The following AGBL1 variants were observed in gnomAD, a reference collection of about 807,000 sequenced individuals.
AGBL1 encodes cytosolic carboxypeptidase 4.
Under a neutral mutation model 118.9 loss-of-function variants are expected in AGBL1, and 130 were observed. That is an observed-to-expected ratio of 1.09 (90% confidence interval 0.95 to 1.26). AGBL1 has a LOEUF of 1.26. AGBL1 is among the 50% of genes most tolerant of loss of function. The pLI is 0.00. For synonymous variants in AGBL1, 555 were observed against 478.9 expected, an observed-to-expected ratio of 1.16 and a Z score of -2.08; for missense variants, 1,584 against 1,298.1, an observed-to-expected ratio of 1.22 and a Z score of -3.38.
intron 17 of AGBL1, among the ~76,000 whole-genome samples, chr15:86,336,537 G>T (rs941561882): frequency 6.6e-6 from 1 of 152,190 alleles, no homozygotes; most frequent in African/African-American, 2.4e-5. Context: ...CAACTGTTGC[G>T]TGAGAGTTGG....
intron 22 of AGBL1, among the ~76,000 whole-genome samples, chr15:86,841,233 G>A (rs1391753990): frequency 2.6e-5 from 4 of 152,128 alleles, no homozygotes; most frequent in African/African-American, 9.7e-5. Context: ...GTGTTGCTGA[G>A]ACCACCCAGG....
At chr15:86,482,268 A>G (rs1217052147) in intron 18 of AGBL1, among the ~76,000 whole-genome samples, 1 of 152,138 alleles carries the variant, frequency 6.6e-6, no homozygotes, top group Non-Finnish European at 1.5e-5. Flanking sequence ...GGGTTAGTAA[A>G]ATATTCTGAG....
chr15:86,132,653 C>G (rs1376050845), intron 1 of AGBL1, among the ~76,000 whole-genome samples: 1 of 152,122 alleles, frequency 6.6e-6, no homozygotes, highest in Non-Finnish European at 1.5e-5. Context: ...AAACAGAGAA[C>G]CTTTTAGGCA....
At chr15:86,565,236 T>A (rs1209441800) in intron 21 of AGBL1, among the ~76,000 whole-genome samples, 1 of 152,264 alleles carries the variant, frequency 6.6e-6, no homozygotes, top group Non-Finnish European at 1.5e-5. Context: ...GCTTTCCTGC[T>A]CTGTTTTTTC....
chr15:86,401,232 A>G (rs576928132), intron 18 of AGBL1, among the ~76,000 whole-genome samples: 4 of 151,898 alleles, frequency 2.6e-5, no homozygotes, highest in African/African-American at 9.7e-5. Context: ...TTTTTTTCAT[A>G]TGTTTGTTGG....
At chr15:86,667,968 C>T (rs925314506) in intron 21 of AGBL1, among the ~76,000 whole-genome samples, 1 of 152,146 alleles carries the variant, frequency 6.6e-6, no homozygotes, top group Non-Finnish European at 1.5e-5. Context: ...TCTGGTGAGG[C>T]CTCAGGGAGC....
intron 23 of AGBL1, among the ~76,000 whole-genome samples, chr15:86,949,939 G>A (rs1477964653): frequency 6.6e-6 from 1 of 151,968 alleles, no homozygotes; most frequent in Non-Finnish European, 1.5e-5. Context: ...AGGAATGATT[G>A]TATGTAGAGT....
intron 21 of AGBL1, among the ~76,000 whole-genome samples, chr15:86,644,882 G>A (rs549277243): frequency 4.0e-5 from 6 of 150,462 alleles, no homozygotes; most frequent in East Asian, 2.0e-4. Context: ...ATAGCTGGGC[G>A]TGGTGGCACG....
intron 6 of AGBL1, among the ~76,000 whole-genome samples, chr15:86,244,365 A>T (rs2078687619): frequency 6.6e-6 from 1 of 152,036 alleles, no homozygotes; most frequent in Admixed American, 6.6e-5. Flanking sequence ...GAACTCCTCT[A>T]AGTTGCTGAT....
chr15:86,784,041 C>A (rs190457642), intron 22 of AGBL1, among the ~76,000 whole-genome samples: 22 of 152,232 alleles, frequency 1.4e-4, no homozygotes, highest in Admixed American at 1.4e-3. Context: ...TAAATCCCTG[C>A]CCTAATGTTT....
chr15:86,528,261 C>T (rs937299763), intron 19 of AGBL1, among the ~76,000 whole-genome samples: 19 of 152,152 alleles, frequency 1.2e-4, no homozygotes, highest in Admixed American at 1.2e-3. Flanking sequence ...GCACCGGGCG[C>T]GAACCGAAGC....
intron 22 of AGBL1, among the ~76,000 whole-genome samples, chr15:86,878,491 G>A (rs955637655): frequency 1.3e-5 from 2 of 152,122 alleles, no homozygotes; most frequent in Non-Finnish European, 2.9e-5. Flanking sequence ...CAAGCTTCTT[G>A]TTCATGGCCC....
At chr15:86,510,054 A>G (rs2083035678) in intron 18 of AGBL1, among the ~76,000 whole-genome samples, 1 of 151,608 alleles carries the variant, frequency 6.6e-6, no homozygotes, top group African/African-American at 2.4e-5. Flanking sequence ...GACTCTTGAC[A>G]TTCTTTTACC....
At position 87,001,122 on chromosome 15, in the gene AGBL1, T is replaced by C. The variant is rs370449977; in HGVS notation, c.3323+13034T>C. ...GAAGTTGCTTATCAGCTTAAGGAGA[T>C]TTTGGGCTGAGACAATGGGGTTTTC... On this transcript the variant is annotated intron_variant, in intron 24 of 24. Coordinates refer to the AGBL1 transcript ENST00000441037. Among the ~76,000 whole-genome samples, 125 of 141,622 alleles carry C rather than the reference T, an allele frequency of 8.8e-4. 2 individuals are homozygous for C. The Middle Eastern group carries it at 0.017, about 19-fold the overall frequency. The allele number at this position is 141,622 out of a possible 152,430, so 92.9% of individuals were successfully genotyped here.
At chr15:86,680,029 G>C (rs958872680) in intron 22 of AGBL1, among the ~76,000 whole-genome samples, 3 of 151,968 alleles carry the variant, frequency 2.0e-5, no homozygotes, top group African/African-American at 2.4e-5. Context: ...AAATTTCCTA[G>C]GTAGGATACA....
rs71144074 is a variant in AGBL1, at chr15:86,827,938, C to CTT, written c.3159-79130_3159-79129dup. 7.5e-3 allele frequency among the ~76,000 whole-genome samples: 125 copies of CTT among 16,766 alleles called. 24 individuals carry two copies. Among genetic ancestry groups the CTT allele is most frequent in the African/African-American group, 0.019 (97 of 5,132 alleles). 11.0% of individuals were successfully genotyped at this position (16,766 alleles called of 152,430 possible). The stretch of plus-strand genomic sequence containing the variant: ...ATAGTCTCTGGCACTTGATGTAGGG[C>CTT]TTTTTTTTTTTTTTTTTTTTGAGAC... On this transcript the variant is annotated intron_variant, in intron 22 of 22. Coordinates refer to ENST00000614907, the MANE Select transcript of AGBL1 (RefSeq NM_001386094.1).
chr15:86,082,391 G>A (rs1895346404), intron 1 of AGBL1, among the ~76,000 whole-genome samples: 1 of 152,206 alleles, frequency 6.6e-6, no homozygotes, highest in Admixed American at 6.5e-5. Flanking sequence ...GCTTTGAATT[G>A]CTTCTCAAAC....
intron 17 of AGBL1, among the ~76,000 whole-genome samples, chr15:86,320,105 A>T (rs1262959104): frequency 6.6e-6 from 1 of 152,086 alleles, no homozygotes; most frequent in African/African-American, 2.4e-5. Context: ...TTCTAAATAA[A>T]TTTTGGTATC....
At chr15:86,953,226 C>T (rs2701423) in intron 23 of AGBL1, among the ~76,000 whole-genome samples, 134,273 of 152,176 alleles carry the variant, frequency 0.88, 59,531 homozygotes, top group South Asian at 0.97. Flanking sequence ...GTGATAGGAA[C>T]AGTGTTAAAT....
Sources: allele counts gnomAD v4.1 joint callset (sites outside exome capture counted in the v4.1 genomes callset), GRCh38; gene constraint gnomAD v4.1.1; transcripts MANE v1.5; gene names NCBI Gene and HGNC (gene_info 2026-07-23, HGNC 2026-07-21).